Variants in SBNO1 observed in about 807,000 individuals in gnomAD.
SBNO1 encodes protein strawberry notch homolog 1.
SBNO1 carries 23 observed loss-of-function variants against 173.6 expected under a neutral mutation model. The ratio of observed to expected loss-of-function variants is 0.13; its 90% CI spans 0.10 to 0.19. The LOEUF (loss-of-function observed/expected upper bound fraction) is 0.19. SBNO1 is among the 10% of genes least tolerant of loss of function. SBNO1 has a pLI of 1.00. For missense variants in SBNO1, 1,238 were observed against 1,671.2 expected (o/e 0.74, Z 4.52); for synonymous variants, 632 against 571.5 (o/e 1.11, Z -1.51).
At chr12:123,349,081 A>C (rs544987405) in intron 2 of SBNO1, 6 of 151,770 alleles carry the variant, frequency 4.0e-5, no homozygotes, top group Non-Finnish European at 5.9e-5. Flanking sequence ...CCTGTAAACA[A>C]CACTGCACTC....
chr12:123,295,990 T>G lies in SBNO1; in HGVS notation c.4100A>C (p.Gln1367Pro). ...CTGTTGGACCGCAAGCTGTTGAGACTGGTCTGAAGTTGATAGGAGATTTAC... is the reference window on the plus strand; with the variant it reads ...CTGTTGGACCGCAAGCTGTTGAGACGGGTCTGAAGTTGATAGGAGATTTAC... ...PLVNLLSTSDQSQQLAVQQKQ... is the reference protein window; with the variant it reads ...PLVNLLSTSDPSQQLAVQQKQ... Residue 1367 changes from glutamine (Q) to proline (P), a missense_variant, in exon 32 of 32, where the codon CAG becomes CCG. Gln to Pro is a moderately conservative substitution (Grantham distance 76). Transcript: ENST00000602398. 1 of 1,614,016 alleles carries G rather than the reference T, an allele frequency of 6.2e-7. No homozygotes were observed. Among genetic ancestry groups the G allele is most frequent in the Middle Eastern group, 1.6e-4 (1 of 6,062 alleles).
intron 1 of SBNO1, chr12:123,364,298 C>A (rs1875820975): frequency 8.1e-6 from 8 of 985,482 alleles, no homozygotes; most frequent in Non-Finnish European, 9.6e-6. Flanking sequence ...TCCTTACTTT[C>A]CCCGCGGGTC....
intron 31 of SBNO1, among the ~76,000 whole-genome samples, chr12:123,296,673 G>A (rs921579143): frequency 1.3e-5 from 2 of 151,214 alleles, no homozygotes; most frequent in East Asian, 2.0e-4. Flanking sequence ...TGATTCTCCT[G>A]CCTCAGCCTC....
Position 123,290,447 on chromosome 12 carries a change from A to C in SBNO1, c.*5461T>G, listed in dbSNP as rs2048494412. The C allele has an allele frequency of 6.6e-6, 1 of 152,072 alleles. No homozygotes were observed. Among genetic ancestry groups the C allele is most frequent in the Non-Finnish European group, 1.5e-5 (1 of 68,006 alleles). The allele number at this position is 152,072 out of a possible 1,614,324, so 9.4% of individuals were successfully genotyped here. A position where few individuals can be genotyped will look rare whatever the true frequency, so the allele number is the denominator to read the frequency against. The stretch of plus-strand genomic sequence containing the variant: ...GTGCAAAATTGTGAACAAATACCCA[A>C]TGTCTGCCTCCCGGGTGCTCAACAC... On this transcript the variant is annotated 3_prime_UTR_variant, in exon 32 of 32. Transcript: ENST00000602398.
chr12:123,364,151 G>A, intron 1 of SBNO1: 3 of 985,560 alleles, frequency 3.0e-6, no homozygotes, highest in South Asian at 4.7e-5. Context: ...CTTCCCCACC[G>A]CCCCAAGAGC....
intron 20 of SBNO1, 44 bp from the exon 21 acceptor site, chr12:123,317,400 C>A (rs367548933): frequency 3.8e-6 from 6 of 1,595,214 alleles, no homozygotes; most frequent in Middle Eastern, 1.7e-4. Flanking sequence ...TGCATAAGAA[C>A]AAGCAGGCCA....
chr12:123,329,518 A>G (rs749814453), intron 9 of SBNO1, among the ~76,000 whole-genome samples: 1 of 152,142 alleles, frequency 6.6e-6, no homozygotes, highest in African/African-American at 2.4e-5. Context: ...ACTATATGCA[A>G]AACACTGTGA....
intron 1 of SBNO1, chr12:123,364,283 TC>T: frequency 1.0e-6 from 1 of 985,536 alleles, no homozygotes; most frequent in Non-Finnish European, 1.2e-6. Flanking sequence ...TTGGGAAGGA[TC>T]CGGTCCTTAC....
chr12:123,315,576 G>A lies in SBNO1; in HGVS notation c.3020C>T (p.Ser1007Phe), dbSNP rs1489269435. 3 of 1,613,022 alleles carry A rather than the reference G, an allele frequency of 1.9e-6. No individual in the cohort carries two copies. The highest frequency in any genetic ancestry group is 2.5e-6 in the Non-Finnish European group (3 of 1,179,176). ...ACTCTCAAGTCTTTTAGCAACAATA[G>A]ATGCAAATCTTTGTTCTCCTGCCAG... ...SELAGEQRFASIVAKRLESLG... is the reference protein window; with the variant it reads ...SELAGEQRFAFIVAKRLESLG... The change falls in exon 22 of 32, where the codon TCT becomes TTT. Residue 1007 changes from serine to phenylalanine, a missense_variant. By Grantham distance (155) the Ser-to-Phe change is radical. This residue lies in a region of SBNO1 where 39 missense variants were observed against 129.7 expected (regional missense o/e 0.30). Transcript: ENST00000602398.
In SBNO1 at chr12:123,293,142, G is replaced by A. The variant is rs2048536142; in HGVS notation, c.*2766C>T. On this transcript the variant is annotated 3_prime_UTR_variant, in exon 32 of 32. Coordinates refer to ENST00000602398, the MANE Select transcript of SBNO1 (RefSeq NM_001167856.3). ...GGCATTGCAGAGGCAAAGTGGACAT[G>A]GGGTTAATTAAACAAGGCCTCTGAA... The A allele has an allele frequency of 6.6e-6, 1 of 152,218 alleles. No homozygotes were observed. The highest frequency in any genetic ancestry group is 2.4e-5 in the African/African-American group (1 of 41,472). The allele number at this position is 152,218 out of a possible 1,614,324, so 9.4% of individuals were successfully genotyped here.
chr12:123,333,985 G>T, intron 7 of SBNO1, 68 bp downstream of exon 7: 1 of 1,038,838 alleles, frequency 9.6e-7, no homozygotes, highest in Non-Finnish European at 1.3e-6. Context: ...GTTACCTTTA[G>T]ATTGAAACAA....
At position 123,327,777 on chromosome 12, in the gene SBNO1, G is replaced by A; in HGVS notation, c.1468C>T (p.Arg490Cys). The A allele has an allele frequency of 1.9e-6, 3 of 1,613,542 alleles. No homozygotes were observed. Among genetic ancestry groups the A allele is most frequent in the Non-Finnish European group, 2.5e-6 (3 of 1,179,806 alleles). ...GTACCCTCACCCCATATGCCAAGAC[G>A]GTTCATATAGGCCATGTTGCGTGGT... Reference protein sequence around the residue: ...SEPRNMAYMNRLGIWGEGTPF... With the variant: ...SEPRNMAYMNCLGIWGEGTPF... Residue 490 changes from arginine (R) to cysteine (C), a missense_variant, in exon 12 of 32, where the codon CGT becomes TGT. Arg to Cys is a radical substitution (Grantham distance 180). Around this residue, in one of 14 missense-constraint regions of SBNO1, gnomAD observed 182 missense variants for 339.9 expected, o/e 0.54. Coordinates refer to ENST00000602398, the MANE Select transcript of SBNO1 (RefSeq NM_001167856.3).
intron 21 of SBNO1, among the ~76,000 whole-genome samples, chr12:123,316,310 C>T (rs1243627308): frequency 1.3e-5 from 2 of 152,106 alleles, no homozygotes; most frequent in South Asian, 2.1e-4. Context: ...CTGCAACCTC[C>T]GCCTCCCGGG....
intron 30 of SBNO1, among the ~76,000 whole-genome samples, chr12:123,302,238 GTTTTTTTTTTTGT>G (rs1347886480): frequency 8.8e-6 from 1 of 113,018 alleles, no homozygotes; most frequent in South Asian, 3.1e-4. Flanking sequence ...TGGCCTTATT[GTTTTTTTTTTTGT>G]TTTTTTTTTT....
In SBNO1 at chr12:123,292,665, G is replaced by GT. The variant is rs781250688; in HGVS notation, c.*3242dup. 1 of 152,064 alleles carries GT rather than the reference G, an allele frequency of 6.6e-6. No individual in the cohort carries two copies. Among genetic ancestry groups the GT allele is most frequent in the Non-Finnish European group, 1.5e-5 (1 of 68,028 alleles). 9.4% of individuals were successfully genotyped at this position (152,064 alleles called of 1,614,324 possible). A position where few individuals can be genotyped will look rare whatever the true frequency, so the allele number is the denominator to read the frequency against. ...AGATGAGGCAAACTAAAATATTGTT[G>GT]TAACTCAAAAAGGCTTCTGAAGTGC... On this transcript the variant is annotated 3_prime_UTR_variant, in exon 32 of 32. Transcript: ENST00000602398.
intron 31 of SBNO1, among the ~76,000 whole-genome samples, chr12:123,296,646 C>T (rs546531576): frequency 2.8e-4 from 42 of 151,906 alleles, no homozygotes; most frequent in African/African-American, 9.9e-4. Flanking sequence ...TTGCAACCTC[C>T]GCCTCCCGGG....
intron 23 of SBNO1, among the ~76,000 whole-genome samples, chr12:123,315,023 A>C (rs1869112385): frequency 6.6e-6 from 1 of 152,060 alleles, no homozygotes; most frequent in Admixed American, 6.6e-5. Context: ...GATTACAGAC[A>C]TGAGCCACAG....
intron 28 of SBNO1, among the ~76,000 whole-genome samples, chr12:123,305,942 A>C (rs1446463662): frequency 6.6e-6 from 1 of 152,226 alleles, no homozygotes; most frequent in Non-Finnish European, 1.5e-5. Context: ...AGGAAAAAGA[A>C]AAGTTTCAAA....
rs773316398 is a variant in SBNO1, at chr12:123,350,379, A to G, written c.63T>C (p.Asn21=). The change falls in exon 2 of 32, where the codon AAT becomes AAC. Residue 21 remains asparagine, a synonymous_variant. Coordinates refer to ENST00000602398, the MANE Select transcript of SBNO1 (RefSeq NM_001167856.3). ...CTCCACCATCAATATCAAAGAGGTCATTCGGACTAATTCCACTCTCACTCA... is the reference window on the plus strand; with the variant it reads ...CTCCACCATCAATATCAAAGAGGTCGTTCGGACTAATTCCACTCTCACTCA... The part of the protein sequence containing the change: ...AALSESGISP[N]DLFDIDGGDA... The G allele has an allele frequency of 1.2e-6, 2 of 1,614,182 alleles. No homozygotes were observed. The highest frequency in any genetic ancestry group is 1.7e-6 in the Non-Finnish European group (2 of 1,179,984).
Sources: gnomAD v4.1 joint callset for allele counts (sites outside exome capture counted in the v4.1 genomes callset) on GRCh38, gnomAD v4.1.1 for gene constraint, gnomAD v4.1.1 regional missense constraint, MANE v1.5 for transcripts, NCBI Gene and HGNC (gene_info 2026-07-23, HGNC 2026-07-21) for gene names.